HDAC11: variants seen among roughly 807,000 people sequenced by gnomAD.
HDAC11 encodes histone deacetylase 11.
In HDAC11, 23 loss-of-function variants were observed where a neutral mutation model predicts 41.1. That is an observed-to-expected ratio of 0.56 (90% CI 0.40 to 0.79). The LOEUF is 0.79. HDAC11 is among the 30% of genes least tolerant of loss of function. HDAC11 has a pLI of 0.00. For synonymous variants in HDAC11, 187 were observed against 186.6 expected (o/e 1.00, Z -0.02); for missense variants, 402 against 477.3 (o/e 0.84, Z 1.47).
chr3:13,498,624 G>T, intron 5 of HDAC11, 69 bp downstream of exon 5: 3 of 1,423,168 alleles, frequency 2.1e-6, no homozygotes, highest in South Asian at 2.4e-5. Context: ...AGGGGGCTGG[G>T]GGAGGGCGGG....
At chr3:13,496,891 C>CCA in intron 4 of HDAC11, 39 bp downstream of exon 4, 1 of 1,227,308 alleles carries the variant, frequency 8.1e-7, no homozygotes, top group Non-Finnish European at 1.1e-6. Context: ...CTGGGGGCCC[C>CCA]CACACCCCAG....
In HDAC11 at chr3:13,505,007, G is replaced by A. The variant is rs1702554585; in HGVS notation, c.*324G>A. On this transcript the variant is annotated 3_prime_UTR_variant, in exon 10 of 10. Coordinates refer to ENST00000295757, the MANE Select transcript of HDAC11 (RefSeq NM_024827.4). ...AGGTCCCAGGCACAGCGAGGGCCCTGGGCTTGGGGTGTTCTGGTTTTGAGA... is the reference window on the plus strand; with the variant it reads ...AGGTCCCAGGCACAGCGAGGGCCCTAGGCTTGGGGTGTTCTGGTTTTGAGA... 1 of 389,752 alleles carries A rather than the reference G, an allele frequency of 2.6e-6. No homozygotes were observed. Among genetic ancestry groups the A allele is most frequent in the Non-Finnish European group, 4.8e-6 (1 of 209,622 alleles). The allele number at this position is 389,752 out of a possible 1,614,324, so 24.1% of individuals were successfully genotyped here.
At position 13,496,828 on chromosome 3, in the gene HDAC11, G is replaced by A. The variant is rs1427817456; in HGVS notation, c.345G>A (p.Arg115=). 6.6e-7 allele frequency: 1 copy of A among 1,509,702 alleles called. No individual in the cohort carries two copies. The highest frequency in any genetic ancestry group is 9.1e-7 in the Non-Finnish European group (1 of 1,104,346). The allele number at this position is 1,509,702 out of a possible 1,614,324, so 93.5% of individuals were successfully genotyped here. The change falls in exon 4 of 10, where the codon CGG becomes CGA. Residue 115 remains arginine, a synonymous_variant. Coordinates refer to ENST00000295757, the MANE Select transcript of HDAC11 (RefSeq NM_024827.4). The part of the protein sequence containing the change: ...LVQRKVLRPL[R]TQTGGTIMAG... ...AGAGGAAGGTGCTGAGGCCCCTTCGGACCCAGACAGGAGGAACCATAATGG... is the reference window on the plus strand; with the variant it reads ...AGAGGAAGGTGCTGAGGCCCCTTCGAACCCAGACAGGAGGAACCATAATGG...
intron 3 of HDAC11, among the ~76,000 whole-genome samples, chr3:13,496,177 C>G (rs139690428): frequency 1.3e-5 from 2 of 152,204 alleles, no homozygotes; most frequent in South Asian, 4.1e-4. Context: ...GTAGACCCCC[C>G]CAGCCTCAGC....
At position 13,483,450 on chromosome 3, in the gene HDAC11, C is replaced by T. The variant is rs1431208147; in HGVS notation, c.152-14C>T. ...GGTCAGTGGGGAAGCAGGATGCTCC[C>T]TCTGTGGTTTCAGAAGAGAAGCTTC... On this transcript the variant is annotated splice_polypyrimidine_tract_variant and intron_variant, in intron 2 of 9. Coordinates refer to ENST00000295757, the MANE Select transcript of HDAC11 (RefSeq NM_024827.4). 1 of 1,611,982 alleles carries T rather than the reference C, an allele frequency of 6.2e-7. No homozygotes were observed.
chr3:13,498,637 G>A, intron 5 of HDAC11, 82 bp downstream of exon 5: 1 of 1,317,786 alleles, frequency 7.6e-7, no homozygotes, highest in Middle Eastern at 1.9e-4. Flanking sequence ...AGGGCGGGAG[G>A]ATCCTGGAGG....
At chr3:13,500,465 T>C (rs1702306373) in intron 5 of HDAC11, among the ~76,000 whole-genome samples, 1 of 152,154 alleles carries the variant, frequency 6.6e-6, no homozygotes, top group Non-Finnish European at 1.5e-5. Context: ...AATGATGAGC[T>C]ATCTGTTGCT....
chr3:13,504,500 G>T lies in HDAC11; in HGVS notation c.861G>T (p.Arg287=), dbSNP rs774383766. The stretch of plus-strand genomic sequence containing the variant: ...TGAAGCGGGATGAGCTGGTGTTCCG[G>T]ATGGTCCGTGGCCGCCGGGTGCCCA... ...GIVKRDELVF[R]MVRGRRVPIL... is the part of the protein sequence containing the mutation. Residue 287 remains arginine, a synonymous_variant, in exon 10 of 10, where the codon CGG becomes CGT. Coordinates refer to ENST00000295757, the MANE Select transcript of HDAC11 (RefSeq NM_024827.4). 6.2e-7 allele frequency: 1 copy of T among 1,613,316 alleles called. No homozygotes were observed. The highest frequency in any genetic ancestry group is 8.5e-7 in the Non-Finnish European group (1 of 1,180,016).
chr3:13,487,875 T>C (rs532914588), intron 3 of HDAC11, among the ~76,000 whole-genome samples: 4 of 151,840 alleles, frequency 2.6e-5, no homozygotes, highest in Non-Finnish European at 5.9e-5. Context: ...TAGATGGTGC[T>C]GAGTGTCGTG....
intron 3 of HDAC11, among the ~76,000 whole-genome samples, 187 bp downstream of exon 3, chr3:13,483,751 C>T (rs1464689406): frequency 6.6e-6 from 1 of 152,042 alleles, no homozygotes; most frequent in Non-Finnish European, 1.5e-5. Flanking sequence ...CATAAAAAGG[C>T]AGACCTCAGT....
chr3:13,496,414 C>T (rs564292433), intron 3 of HDAC11, among the ~76,000 whole-genome samples: 1 of 152,304 alleles, frequency 6.6e-6, no homozygotes, highest in East Asian at 1.9e-4. Context: ...CCTAGACCTG[C>T]ACTGCTGACT....
Position 13,504,931 on chromosome 3 carries a change from C to T in HDAC11, c.*248C>T, listed in dbSNP as rs1166912578. 9 of 575,680 alleles carry T rather than the reference C, an allele frequency of 1.6e-5. No individual in the cohort carries two copies. Among genetic ancestry groups the T allele is most frequent in the Admixed American group, 3.0e-5 (1 of 33,078 alleles). The allele number at this position is 575,680 out of a possible 1,614,324, so 35.7% of individuals were successfully genotyped here. ...GGGGGACCCACACGAAGTCACCAGC[C>T]CATAGGTCCAGGGAGGCAGGCAGTT... On this transcript the variant is annotated 3_prime_UTR_variant, in exon 10 of 10. Coordinates refer to ENST00000295757, the MANE Select transcript of HDAC11 (RefSeq NM_024827.4).
At chr3:13,486,126 G>C (rs1057449656) in intron 3 of HDAC11, among the ~76,000 whole-genome samples, 1 of 151,986 alleles carries the variant, frequency 6.6e-6, no homozygotes, top group Non-Finnish European at 1.5e-5. Flanking sequence ...AATTAGCCAG[G>C]CATGGTAGTG....
intron 2 of HDAC11, among the ~76,000 whole-genome samples, chr3:13,481,949 G>A (rs567908860): frequency 2.0e-3 from 302 of 152,282 alleles, no homozygotes; most frequent in Middle Eastern, 3.4e-3. Flanking sequence ...AATTACAGGC[G>A]TGAGCCACCA....
At chr3:13,490,675 T>C (rs1289391948) in intron 3 of HDAC11, among the ~76,000 whole-genome samples, 2 of 150,974 alleles carry the variant, frequency 1.3e-5, no homozygotes, top group Non-Finnish European at 3.0e-5. Context: ...TGTATAGAAA[T>C]ACAACTGATT....
chr3:13,503,954 AC>A, intron 8 of HDAC11, 139 bp from the exon 9 acceptor site: 1 of 742,200 alleles, frequency 1.3e-6, no homozygotes, highest in Non-Finnish European at 2.2e-6. Flanking sequence ...TGCTCTTTTC[AC>A]CTTAGTTTTG....
At chr3:13,497,173 C>T (rs1353607419) in intron 4 of HDAC11, among the ~76,000 whole-genome samples, 2 of 151,584 alleles carry the variant, frequency 1.3e-5, no homozygotes, top group African/African-American at 2.4e-5. Flanking sequence ...CCAGTTTTTT[C>T]TTTCTTTCTT....
In HDAC11 at chr3:13,497,410, C is replaced by G. The variant is rs577265083; in HGVS notation, c.369+558C>G. ...GCCAGGCTGGTCTTGAACTCCTGAC[C>G]TCAAATGATCCACTCACCTTGGCCT... On this transcript the variant is annotated intron_variant, in intron 4 of 9. Coordinates refer to ENST00000295757, the MANE Select transcript of HDAC11 (RefSeq NM_024827.4). 1.3e-3 allele frequency among the ~76,000 whole-genome samples: 194 copies of G among 152,168 alleles called. 3 individuals are homozygous for G. In the South Asian group the frequency reaches 0.039, roughly 31 times the overall value.
rs9854695 is a variant in HDAC11 at position 13,502,574 on chromosome 3, G to A, written c.553-310G>A. The A allele has an allele frequency of 0.056, 17,483 of 312,194 alleles. 653 individuals carry two copies. Among genetic ancestry groups the A allele is most frequent in the South Asian group, 0.1 (2,770 of 27,234 alleles). 19.3% of individuals were successfully genotyped at this position (312,194 alleles called of 1,614,324 possible). On this transcript the variant is annotated intron_variant, in intron 7 of 9. Coordinates refer to ENST00000295757, the MANE Select transcript of HDAC11 (RefSeq NM_024827.4). This position sits in a 1 kb window ranked among gnomAD's most constrained non-coding sequence, Gnocchi z 4.1. ...GGTCACATGTGGACAGTCCTTTACA[G>A]TTTGCTTTTCACATCCCTGATCCCA...
Sources: allele counts gnomAD v4.1 joint callset (sites outside exome capture counted in the v4.1 genomes callset), GRCh38; gene constraint gnomAD v4.1.1; non-coding constraint Gnocchi (gnomAD v3.1); transcripts MANE v1.5; gene names NCBI Gene and HGNC (gene_info 2026-07-23, HGNC 2026-07-21).